Variants in GABRB2 observed in about 807,000 individuals in gnomAD.
GABRB2 encodes the protein gamma-aminobutyric acid type A receptor subunit beta2.
Under a neutral mutation model 54.7 loss-of-function variants are expected in GABRB2, and 16 were observed. The observed-to-expected ratio is 0.29, with a 90% CI of 0.20 to 0.44. The LOEUF (loss-of-function observed/expected upper bound fraction) is 0.44. Ranked by LOEUF, GABRB2 falls within the 20% of genes least tolerant of loss-of-function variation. The pLI, the probability that GABRB2 is intolerant of heterozygous loss-of-function variation, is 1.00. For missense variants in GABRB2, 355 were observed against 644.0 expected (o/e 0.55, Z 4.86); for synonymous variants, 244 against 233.8 (o/e 1.04, Z -0.40).
At chr5:161,439,393 A>T (rs1227208453) in intron 4 of GABRB2, among the ~76,000 whole-genome samples, 2 of 152,234 alleles carry the variant, frequency 1.3e-5, no homozygotes, top group Non-Finnish European at 2.9e-5. Flanking sequence ...CTTACAAGAA[A>T]TGTTATAAGG....
intron 4 of GABRB2, among the ~76,000 whole-genome samples, chr5:161,425,784 A>G (rs1756980377): frequency 6.6e-6 from 1 of 152,154 alleles, no homozygotes; most frequent in Non-Finnish European, 1.5e-5. Context: ...GCATGAGGAC[A>G]TAGCTTACAT....
chr5:161,401,926 C>T (rs928945345), intron 5 of GABRB2, among the ~76,000 whole-genome samples: 1 of 152,116 alleles, frequency 6.6e-6, no homozygotes, highest in Admixed American at 6.6e-5. Context: ...TCCAGTACGG[C>T]AGCCACTTGT....
intron 3 of GABRB2, among the ~76,000 whole-genome samples, chr5:161,499,961 A>G (rs1759379384): frequency 6.6e-6 from 1 of 152,192 alleles, no homozygotes; most frequent in Non-Finnish European, 1.5e-5. Context: ...TAGGAGAGCA[A>G]TGAAAAAAAG....
intron 4 of GABRB2, among the ~76,000 whole-genome samples, chr5:161,450,702 C>T (rs1476852935): frequency 6.6e-6 from 1 of 152,058 alleles, no homozygotes; most frequent in Non-Finnish European, 1.5e-5. Flanking sequence ...CCTCCCTTTT[C>T]CTTGCTATAA....
intron 5 of GABRB2, among the ~76,000 whole-genome samples, chr5:161,351,445 G>A (rs1257994128): frequency 6.6e-6 from 1 of 152,000 alleles, no homozygotes; most frequent in African/African-American, 2.4e-5. Context: ...ACACATAATG[G>A]GGAAGGACAA....
At chr5:161,304,127 G>GTC in intron 9 of GABRB2, among the ~76,000 whole-genome samples, 1 of 152,286 alleles carries the variant, frequency 6.6e-6, no homozygotes, top group South Asian at 2.1e-4. Context: ...CGTGAAGCAG[G>GTC]TGTAGTGGAG....
chr5:161,374,500 A>G (rs1165397319), intron 5 of GABRB2, among the ~76,000 whole-genome samples: 2 of 152,138 alleles, frequency 1.3e-5, no homozygotes, highest in African/African-American at 4.8e-5. Flanking sequence ...AAATATACCT[A>G]AGATCCAATC....
At chr5:161,331,702 G>C (rs895660336) in intron 7 of GABRB2, among the ~76,000 whole-genome samples, 3 of 152,114 alleles carry the variant, frequency 2.0e-5, no homozygotes, top group African/African-American at 7.2e-5. Flanking sequence ...AGAATCGTGA[G>C]AAGACTGGAG....
chr5:161,462,414 A>G (rs1758140787), intron 3 of GABRB2, among the ~76,000 whole-genome samples: 1 of 152,224 alleles, frequency 6.6e-6, no homozygotes, highest in Non-Finnish European at 1.5e-5. Flanking sequence ...CATAAAAAAT[A>G]AAACATGCAA....
intron 6 of GABRB2, among the ~76,000 whole-genome samples, chr5:161,335,698 C>T (rs956414750): frequency 2.6e-5 from 4 of 152,050 alleles, no homozygotes; most frequent in African/African-American, 4.8e-5. Flanking sequence ...TGTCTGAATA[C>T]GATAGTAAGA....
At position 161,294,431 on chromosome 5, in the gene GABRB2, G is replaced by T; in HGVS notation, c.1192-3C>A. On this transcript the variant is annotated splice_region_variant and splice_polypyrimidine_tract_variant and intron_variant, in intron 9 of 9. Transcript: ENST00000393959. ...AAGATGTTCTCATGGGGGTCCATCT[G>T]CAAGGGAAGAGAATCAAAAAGACAA... The T allele has an allele frequency of 6.2e-7, 1 of 1,607,762 alleles. No individual in the cohort carries two copies. The highest frequency in any genetic ancestry group is 1.3e-5 in the African/African-American group (1 of 74,810).
intron 7 of GABRB2, 49 bp downstream of exon 7, chr5:161,334,702 GA>G: frequency 6.3e-7 from 1 of 1,593,750 alleles, no homozygotes; most frequent in Non-Finnish European, 8.6e-7. Flanking sequence ...TGCGAACACA[GA>G]AATGTACACA....
intron 3 of GABRB2, among the ~76,000 whole-genome samples, chr5:161,468,686 G>A (rs182385754): frequency 3.3e-5 from 5 of 151,808 alleles, no homozygotes; most frequent in African/African-American, 9.7e-5. Flanking sequence ...AGCTTTCTTA[G>A]CTTATTCACT....
At chr5:161,502,344 T>G (rs918215966) in intron 3 of GABRB2, among the ~76,000 whole-genome samples, 1 of 152,074 alleles carries the variant, frequency 6.6e-6, no homozygotes, top group African/African-American at 2.4e-5. Context: ...ATAAAAGAAA[T>G]GCATTATTTA....
intron 3 of GABRB2, among the ~76,000 whole-genome samples, chr5:161,509,486 T>A (rs1448059256): frequency 6.6e-6 from 1 of 151,980 alleles, no homozygotes; most frequent in Non-Finnish European, 1.5e-5. Flanking sequence ...AAAAGTCTTT[T>A]CTGACATCCT....
intron 4 of GABRB2, among the ~76,000 whole-genome samples, chr5:161,412,757 C>G (rs1411217633): frequency 2.0e-5 from 3 of 152,182 alleles, no homozygotes; most frequent in Non-Finnish European, 4.4e-5. Context: ...AGAGCCCTTG[C>G]TCCTGATCCC....
intron 4 of GABRB2, among the ~76,000 whole-genome samples, chr5:161,414,443 G>T (rs186066038): frequency 6.6e-6 from 1 of 152,250 alleles, no homozygotes; most frequent in East Asian, 1.9e-4. Flanking sequence ...GGCAGTATGA[G>T]TACATGTTTA....
At chr5:161,347,752 A>G (rs896839953) in intron 5 of GABRB2, among the ~76,000 whole-genome samples, 1 of 152,128 alleles carries the variant, frequency 6.6e-6, no homozygotes, top group Non-Finnish European at 1.5e-5. Flanking sequence ...CTGAGTGACA[A>G]TAAATGTTTT....
chr5:161,411,182 A>G, intron 4 of GABRB2, 125 bp from the exon 5 acceptor site: 2 of 656,288 alleles, frequency 3.0e-6, no homozygotes, highest in East Asian at 5.5e-5. Context: ...GACTGATGCA[A>G]CTTTGGATAA....
Sources: gnomAD v4.1 joint callset for allele counts (sites outside exome capture counted in the v4.1 genomes callset) on GRCh38, gnomAD v4.1.1 for gene constraint, MANE v1.5 for transcripts, NCBI Gene and HGNC (gene_info 2026-07-23, HGNC 2026-07-21) for gene names.